CDKAL1: variants seen among roughly 807,000 people sequenced by gnomAD.
CDKAL1 encodes CDKAL1 threonylcarbamoyladenosine tRNA methylthiotransferase.
Under a neutral mutation model 68.2 loss-of-function variants are expected in CDKAL1, and 32 were observed. The ratio of observed to expected loss-of-function variants is 0.47; its 90% confidence interval spans 0.35 to 0.63. The LOEUF (loss-of-function observed/expected upper bound fraction) is 0.63. Ranked by LOEUF, CDKAL1 falls within the 30% of genes least tolerant of loss-of-function variation. The pLI, the probability that CDKAL1 is intolerant of heterozygous loss-of-function variation, is 0.00. For missense variants in CDKAL1, 606 were observed against 696.7 expected, an observed-to-expected ratio of 0.87 and a Z score of 1.47; for synonymous variants, 234 against 244.3, an observed-to-expected ratio of 0.96 and a Z score of 0.39.
At chr6:20,896,103 C>CTTTTTTTTTTTTTTTTTTTTTTTT (rs777787310) in intron 9 of CDKAL1, among the ~76,000 whole-genome samples, 3 of 90,154 alleles carry the variant, frequency 3.3e-5, no homozygotes, top group Non-Finnish European at 6.5e-5. Flanking sequence ...CTTTTCTTTT[C>CTTTTTTTTTTTTTTTTTTTTTTTT]TTTTTTTTTT....
At chr6:20,919,053 A>C (rs1024859499) in intron 9 of CDKAL1, among the ~76,000 whole-genome samples, 7 of 152,194 alleles carry the variant, frequency 4.6e-5, no homozygotes, top group African/African-American at 7.2e-5. Flanking sequence ...CTCAGCAAAA[A>C]CTAATACATC....
intron 5 of CDKAL1, among the ~76,000 whole-genome samples, chr6:20,721,502 G>A (rs1010307235): frequency 6.6e-5 from 10 of 152,062 alleles, no homozygotes; most frequent in Admixed American, 6.5e-4. Flanking sequence ...CTTTGCTATT[G>A]TAATTAGTGC....
intron 13 of CDKAL1, among the ~76,000 whole-genome samples, chr6:21,173,242 A>C (rs1034462423): frequency 2.0e-5 from 3 of 151,736 alleles, no homozygotes; most frequent in Non-Finnish European, 4.4e-5. Flanking sequence ...TTCATTTCTT[A>C]GGGTGTGGAT....
chr6:20,788,185 C>T (rs1210014383), intron 8 of CDKAL1, among the ~76,000 whole-genome samples: 1 of 152,188 alleles, frequency 6.6e-6, no homozygotes, highest in Non-Finnish European at 1.5e-5. Context: ...GAGCAATCTC[C>T]TCTGGAAGGT....
chr6:20,585,233 T>C (rs748860464), intron 4 of CDKAL1, among the ~76,000 whole-genome samples: 18 of 152,022 alleles, frequency 1.2e-4, no homozygotes, highest in African/African-American at 2.4e-5. Flanking sequence ...TTTTTATTTT[T>C]AGTAGAGATG....
chr6:20,883,600 A>C (rs1760928215), intron 9 of CDKAL1, among the ~76,000 whole-genome samples: 1 of 152,192 alleles, frequency 6.6e-6, no homozygotes, highest in Non-Finnish European at 1.5e-5. Context: ...AGCTGTAGTT[A>C]ATAATGTGCT....
At chr6:21,141,464 A>G (rs971806918) in intron 13 of CDKAL1, among the ~76,000 whole-genome samples, 1 of 152,214 alleles carries the variant, frequency 6.6e-6, no homozygotes, top group Admixed American at 6.5e-5. Context: ...CCACTAGACT[A>G]AAACCTACTT....
intron 8 of CDKAL1, among the ~76,000 whole-genome samples, chr6:20,820,373 T>C (rs757775016): frequency 1.4e-4 from 22 of 152,106 alleles, no homozygotes; most frequent in African/African-American, 3.4e-4. Flanking sequence ...TTACAGACAT[T>C]AGCTTGTTTC....
intron 5 of CDKAL1, among the ~76,000 whole-genome samples, chr6:20,687,047 T>G (rs945045700): frequency 2.0e-5 from 3 of 152,198 alleles, no homozygotes; most frequent in Non-Finnish European, 4.4e-5. Flanking sequence ...TAAATCCCAG[T>G]TAGTCATGGT....
intron 13 of CDKAL1, among the ~76,000 whole-genome samples, chr6:21,142,039 CA>C (rs901203693): frequency 1.3e-5 from 2 of 150,218 alleles, no homozygotes; most frequent in African/African-American, 4.9e-5. Flanking sequence ...TTTTTTTTTC[CA>C]AAAAAAAGAA....
At chr6:20,627,146 C>CAA (rs1767468394) in intron 4 of CDKAL1, among the ~76,000 whole-genome samples, 1 of 152,182 alleles carries the variant, frequency 6.6e-6, no homozygotes, top group Non-Finnish European at 1.5e-5. Context: ...GCATCTACTT[C>CAA]AAAGTCCAGA....
At chr6:20,807,676 T>TA (rs1776632401) in intron 8 of CDKAL1, among the ~76,000 whole-genome samples, 1 of 152,198 alleles carries the variant, frequency 6.6e-6, no homozygotes. Flanking sequence ...CACTTATATG[T>TA]AAAACATATT....
intron 11 of CDKAL1, among the ~76,000 whole-genome samples, chr6:21,043,589 G>C (rs1272967916): frequency 6.6e-6 from 1 of 152,210 alleles, no homozygotes; most frequent in African/African-American, 2.4e-5. Flanking sequence ...TTCATCATTT[G>C]TCTCTGCACT....
At chr6:20,780,664 CTTTTTCTTTTTTTTT>C (rs1775379935) in intron 7 of CDKAL1, among the ~76,000 whole-genome samples, 6 of 138,226 alleles carry the variant, frequency 4.3e-5, no homozygotes, top group Admixed American at 7.2e-5. Context: ...TTTTTCATTT[CTTTTTCTTTTTTTTT>C]TTTTTTTTTT....
chr6:20,853,861 C>T (rs1005018910), intron 9 of CDKAL1, among the ~76,000 whole-genome samples: 1 of 152,118 alleles, frequency 6.6e-6, no homozygotes, highest in East Asian at 1.9e-4. Context: ...AGGAAAAACC[C>T]TGGTTGATTA....
intron 13 of CDKAL1, among the ~76,000 whole-genome samples, chr6:21,140,454 A>G (rs1775841913): frequency 6.6e-6 from 1 of 152,186 alleles, no homozygotes; most frequent in Non-Finnish European, 1.5e-5. Context: ...GCATCCCTTT[A>G]TGATAAAACT....
chr6:21,110,591 G>A (rs576819248), intron 13 of CDKAL1, among the ~76,000 whole-genome samples: 4 of 152,292 alleles, frequency 2.6e-5, no homozygotes, highest in African/African-American at 7.2e-5. Context: ...GATTTCTGGC[G>A]TGATCCTTAT....
chr6:20,926,128 G>A (rs1416779743), intron 9 of CDKAL1, among the ~76,000 whole-genome samples: 3 of 152,032 alleles, frequency 2.0e-5, no homozygotes, highest in Non-Finnish European at 4.4e-5. Flanking sequence ...CATCAGTATG[G>A]GAGAAATTGA....
chr6:20,869,721 T>C (rs1760100456), intron 9 of CDKAL1, among the ~76,000 whole-genome samples: 2 of 152,236 alleles, frequency 1.3e-5, no homozygotes. Flanking sequence ...ATAAGATTTC[T>C]AGCATAATAT....
Sources: allele counts gnomAD v4.1 joint callset (sites outside exome capture counted in the v4.1 genomes callset), GRCh38; gene constraint gnomAD v4.1.1; transcripts MANE v1.5; gene names NCBI Gene and HGNC (gene_info 2026-07-23, HGNC 2026-07-21).